Variants in ARPP21 observed in about 807,000 individuals in gnomAD.
ARPP21 encodes cAMP regulated phosphoprotein 21.
A neutral mutation model predicts 113.2 loss-of-function variants in ARPP21; 69 were observed. The ratio of observed to expected loss-of-function variants is 0.61; its 90% confidence interval spans 0.50 to 0.74. The LOEUF (loss-of-function observed/expected upper bound fraction) is 0.74, where lower values mean the gene tolerates loss of function less well. Among genes scored for constraint, ARPP21 ranks in the 30% least tolerant of loss-of-function variants. ARPP21 has a pLI of 0.00. For synonymous variants in ARPP21, 368 were observed against 375.5 expected (o/e 0.98, Z 0.23); for missense variants, 1,070 against 1,037.4 (o/e 1.03, Z -0.43).
intron 1 of ARPP21, among the ~76,000 whole-genome samples, chr3:35,666,618 C>A (rs2074425977): frequency 6.6e-6 from 1 of 151,402 alleles, no homozygotes; most frequent in African/African-American, 2.4e-5. Context: ...AGACTAAATT[C>A]CTTTTATTGC....
chr3:35,764,312 G>A (rs932103081), intron 19 of ARPP21, among the ~76,000 whole-genome samples: 11 of 152,234 alleles, frequency 7.2e-5, no homozygotes, highest in Middle Eastern at 3.4e-3. Context: ...ATGATAAATA[G>A]CGTTTTTAGA....
chr3:35,681,096 G>C (rs779202324), intron 2 of ARPP21: 2 of 151,776 alleles, frequency 1.3e-5, no homozygotes, highest in Non-Finnish European at 2.9e-5. Context: ...TTGGGAGCTC[G>C]GGAGCTTGGG....
chr3:35,661,273 CA>C (rs1707690467), intron 1 of ARPP21, among the ~76,000 whole-genome samples: 1 of 152,096 alleles, frequency 6.6e-6, no homozygotes, highest in African/African-American at 2.4e-5. Context: ...GATTCATTGT[CA>C]TAGTATGAAA....
chr3:35,661,611 G>C (rs1707837153), intron 1 of ARPP21, among the ~76,000 whole-genome samples: 1 of 152,134 alleles, frequency 6.6e-6, no homozygotes, highest in African/African-American at 2.4e-5. Context: ...AATTTCTTAT[G>C]ACCGGCTATA....
At chr3:35,753,334 G>A (rs1393203511) in intron 19 of ARPP21, among the ~76,000 whole-genome samples, 1 of 151,918 alleles carries the variant, frequency 6.6e-6, no homozygotes, top group African/African-American at 2.4e-5. Context: ...GTGTTTCAAA[G>A]TTCAAACACC....
chr3:35,742,010 A>C (rs536034968), intron 18 of ARPP21, among the ~76,000 whole-genome samples: 8 of 152,330 alleles, frequency 5.3e-5, no homozygotes, highest in Admixed American at 3.3e-4. Context: ...GGAAAAGAAA[A>C]AAAACAAAAC....
rs1360452402 is a variant in ARPP21 at position 35,746,210 on chromosome 3, T to C, written c.2137+2245T>C. On this transcript the variant is annotated intron_variant, in intron 19 of 20. Coordinates refer to ENST00000684406, the MANE Select transcript of ARPP21 (RefSeq NM_001385562.1). ...CCACCACAGTGATGAATGTACCTAG[T>C]ATTTGGGAAAGCAGATGGTGTTCCC... is the stretch of plus-strand genomic sequence containing the variant. Among the ~76,000 whole-genome samples, 5 of 152,334 alleles carry C rather than the reference T, an allele frequency of 3.3e-5. No homozygotes were observed. The East Asian group carries it at 9.6e-4, about 29-fold the overall frequency.
intron 19 of ARPP21, among the ~76,000 whole-genome samples, chr3:35,790,147 A>C (rs914187928): frequency 1.3e-5 from 2 of 152,166 alleles, no homozygotes; most frequent in African/African-American, 4.8e-5. Flanking sequence ...CTTTCAGTGT[A>C]TAAACAAATA....
intron 12 of ARPP21, among the ~76,000 whole-genome samples, chr3:35,717,086 T>C (rs2092511585): frequency 6.6e-6 from 1 of 152,020 alleles, no homozygotes; most frequent in African/African-American, 2.4e-5. Flanking sequence ...TTTCCTTCTT[T>C]TCTCCTTACC....
Position 35,643,358 on chromosome 3 carries a change from T to C in ARPP21, c.-213+2960T>C, listed in dbSNP as rs1170359136. ...TGAAAAATAATCCCCAGAAATAAAC[T>C]ACTAAGGAAAATACATCACAATGAG... is the stretch of plus-strand genomic sequence containing the variant. On this transcript the variant is annotated intron_variant, in intron 1 of 20. Coordinates refer to ENST00000684406, the MANE Select transcript of ARPP21 (RefSeq NM_001385562.1). 2.0e-5 allele frequency among the ~76,000 whole-genome samples: 3 copies of C among 152,124 alleles called. No individual in the cohort carries two copies. In the East Asian group the frequency reaches 5.8e-4, roughly 29 times the overall value.
chr3:35,724,265 C>T (rs749915114), intron 14 of ARPP21, among the ~76,000 whole-genome samples: 1 of 152,120 alleles, frequency 6.6e-6, no homozygotes, highest in African/African-American at 2.4e-5. Flanking sequence ...GCAGATGATG[C>T]GATTGTATCC....
chr3:35,756,158 C>T (rs2095561233), intron 19 of ARPP21, among the ~76,000 whole-genome samples: 1 of 152,028 alleles, frequency 6.6e-6, no homozygotes, highest in African/African-American at 2.4e-5. Context: ...CTCTGAAATA[C>T]CAAGAGCGCT....
At chr3:35,680,720 C>T (rs2078641130) in intron 2 of ARPP21, 2 of 151,012 alleles carry the variant, frequency 1.3e-5, no homozygotes, top group Admixed American at 1.3e-4. Context: ...GCTTCTCCTT[C>T]TCCTTCTTCT....
At chr3:35,643,872 A>C (rs1699145202) in intron 1 of ARPP21, 2 of 152,050 alleles carry the variant, frequency 1.3e-5, no homozygotes, top group African/African-American at 4.8e-5. Flanking sequence ...TAGCCTATTT[A>C]GAAATTTGTG....
At position 35,739,544 on chromosome 3, in the gene ARPP21, A is replaced by G. The variant is rs755449231; in HGVS notation, c.1977A>G (p.Pro659=). The G allele has an allele frequency of 3.7e-6, 6 of 1,613,436 alleles. No individual in the cohort carries two copies. In the Admixed American group the frequency reaches 1.0e-4, roughly 27 times the overall value. The change falls in exon 18 of 21, where the codon CCA becomes CCG. Residue 659 remains proline (P), a synonymous_variant. Coordinates refer to ENST00000684406, the MANE Select transcript of ARPP21 (RefSeq NM_001385562.1). ...AGGTCCTCCAGCCCCCTCCCTCACCACAGGGATTTGTGCAACAGCCTCCGC... is the reference window on the plus strand; with the variant it reads ...AGGTCCTCCAGCCCCCTCCCTCACCGCAGGGATTTGTGCAACAGCCTCCGC... ...SQQVLQPPPS[P]QGFVQQPPPA...
At chr3:35,764,016 C>G (rs567024858) in intron 19 of ARPP21, among the ~76,000 whole-genome samples, 50 of 151,744 alleles carry the variant, frequency 3.3e-4, no homozygotes, top group Non-Finnish European at 5.4e-4. Context: ...AAACAAACAA[C>G]CATACAAAAG....
chr3:35,670,506 T>A (rs2076057740), intron 1 of ARPP21, among the ~76,000 whole-genome samples: 1 of 152,070 alleles, frequency 6.6e-6, no homozygotes. Context: ...ATTCTCACAT[T>A]GAATGATGAT....
chr3:35,751,731 A>G (rs1234021322), intron 19 of ARPP21, among the ~76,000 whole-genome samples: 1 of 152,116 alleles, frequency 6.6e-6, no homozygotes, highest in African/African-American at 2.4e-5. Context: ...CTCTGGTCCA[A>G]TGCAGTCTCT....
At chr3:35,713,632 G>A (rs531017526) in intron 11 of ARPP21, among the ~76,000 whole-genome samples, 19 of 152,202 alleles carry the variant, frequency 1.2e-4, no homozygotes, top group African/African-American at 3.4e-4. Flanking sequence ...GAGCTCAGGC[G>A]ATCTGCCTGC....
Sources: gnomAD v4.1 joint callset for allele counts (sites outside exome capture counted in the v4.1 genomes callset) on GRCh38, gnomAD v4.1.1 for gene constraint, MANE v1.5 for transcripts, NCBI Gene and HGNC (gene_info 2026-07-23, HGNC 2026-07-21) for gene names.